GLRB: variants seen among roughly 807,000 people sequenced by gnomAD.
GLRB encodes glycine receptor beta, also known as glycine receptor subunit beta.
GLRB carries 33 observed loss-of-function variants against 54.2 expected under a neutral mutation model. That is an observed-to-expected ratio of 0.61 (90% CI 0.46 to 0.81). GLRB has a LOEUF of 0.81. Among genes scored for constraint, GLRB ranks in the 40% least tolerant of loss-of-function variants. The pLI is 0.00. For synonymous variants in GLRB, 209 were observed against 208.2 expected, an observed-to-expected ratio of 1.00 and a Z score of -0.03; for missense variants, 572 against 584.6, an observed-to-expected ratio of 0.98 and a Z score of 0.22.
At chr4:157,121,155 C>A (rs1200864199) in intron 3 of GLRB, among the ~76,000 whole-genome samples, 2 of 151,582 alleles carry the variant, frequency 1.3e-5, no homozygotes, top group Non-Finnish European at 3.0e-5. Context: ...GCTGAAAAAA[C>A]AATTGGCCGT....
At position 157,136,673 on chromosome 4, in the gene GLRB, G is replaced by A; in HGVS notation, c.502G>A (p.Asp168Asn). 1 of 1,608,964 alleles carries A rather than the reference G, an allele frequency of 6.2e-7. No individual in the cohort carries two copies. Among genetic ancestry groups the A allele is most frequent in the East Asian group, 2.2e-5 (1 of 44,838 alleles). ...QENILLFIFR[D>N]GDVLVSMRLS... ...AAACATCCTCCTCTTTATTTTTCGT[G>A]ATGGAGATGTCCTTGTCAGCATGAG... The change falls in exon 5 of 10, where the codon GAT becomes AAT. Residue 168 changes from aspartate to asparagine, a missense_variant. Coordinates refer to ENST00000264428, the MANE Select transcript of GLRB (RefSeq NM_000824.5).
intron 2 of GLRB, among the ~76,000 whole-genome samples, chr4:157,116,760 A>T (rs1351302164): frequency 6.6e-6 from 1 of 151,766 alleles, no homozygotes; most frequent in Non-Finnish European, 1.5e-5. Context: ...CCCTGAGTTC[A>T]TGCATATGAA....
chr4:157,160,902 T>C (rs1159673137), intron 9 of GLRB, among the ~76,000 whole-genome samples: 1 of 152,152 alleles, frequency 6.6e-6, no homozygotes, highest in Non-Finnish European at 1.5e-5. Context: ...TCTTTCTGTG[T>C]CGTTGATCTG....
In GLRB at chr4:157,170,870, C is replaced by T; in HGVS notation, c.*142C>T. 1.7e-6 allele frequency: 1 copy of T among 574,770 alleles called. No individual in the cohort carries two copies. The highest frequency in any genetic ancestry group is 3.1e-6 in the Non-Finnish European group (1 of 326,828). The allele number at this position is 574,770 out of a possible 1,614,324, so 35.6% of individuals were successfully genotyped here. Reference sequence around the variant, plus strand: ...ATTTGATTGTAATAAAACTGTGGCACCTTAATTTTGAATGGCAGCATGATC... The same window carrying T: ...ATTTGATTGTAATAAAACTGTGGCATCTTAATTTTGAATGGCAGCATGATC... On this transcript the variant is annotated 3_prime_UTR_variant, in exon 10 of 10. Transcript: ENST00000264428.
chr4:157,116,908 A>G (rs78434926), intron 2 of GLRB, among the ~76,000 whole-genome samples: 2,987 of 151,778 alleles, frequency 0.02, 78 homozygotes, highest in African/African-American at 0.066. Context: ...CACAAATAAG[A>G]ATAGAAGAAA....
intron 4 of GLRB, among the ~76,000 whole-genome samples, chr4:157,133,516 T>G (rs1342501691): frequency 1.3e-5 from 2 of 151,988 alleles, no homozygotes; most frequent in African/African-American, 4.8e-5. Context: ...AAGTTATGTT[T>G]GACTGATGTT....
chr4:157,102,890 G>A (rs1395402256), intron 2 of GLRB, among the ~76,000 whole-genome samples: 1 of 152,176 alleles, frequency 6.6e-6, no homozygotes, highest in African/African-American at 2.4e-5. Flanking sequence ...GTAGGGGCTG[G>A]GGGCAGTGGC....
intron 4 of GLRB, among the ~76,000 whole-genome samples, chr4:157,129,888 T>C (rs1736149586): frequency 6.6e-6 from 1 of 151,644 alleles, no homozygotes; most frequent in African/African-American, 2.4e-5. Context: ...AAAATAATTG[T>C]AGGTAGATCA....
intron 8 of GLRB, among the ~76,000 whole-genome samples, chr4:157,147,268 G>A (rs1213047062): frequency 2.6e-5 from 4 of 152,222 alleles, no homozygotes; most frequent in African/African-American, 9.6e-5. Context: ...CCAGTATGAT[G>A]CAGTTTCCTA....
chr4:157,128,619 A>G (rs1365785062), intron 4 of GLRB, among the ~76,000 whole-genome samples: 1 of 151,846 alleles, frequency 6.6e-6, no homozygotes, highest in African/African-American at 2.4e-5. Flanking sequence ...GTGTGGCACC[A>G]TAGCACCACC....
intron 2 of GLRB, among the ~76,000 whole-genome samples, chr4:157,107,791 A>T (rs916569014): frequency 6.6e-6 from 1 of 152,124 alleles, no homozygotes; most frequent in Non-Finnish European, 1.5e-5. Flanking sequence ...CAGATGTTCA[A>T]TGTAGATTAA....
Position 157,144,041 on chromosome 4 carries a change from A to G in GLRB, c.904+82A>G. The stretch of plus-strand genomic sequence containing the variant: ...TTACCATATAATCAACTACTTTGAA[A>G]CAATGAGTTTTAGAATTGTTAGCCA... On this transcript the variant is annotated intron_variant, in intron 8 of 9. Coordinates refer to ENST00000264428, the MANE Select transcript of GLRB (RefSeq NM_000824.5). 4.4e-6 allele frequency: 6 copies of G among 1,372,958 alleles called. No individual in the cohort carries two copies. In the South Asian group the frequency reaches 7.0e-5, roughly 16 times the overall value. 85.0% of individuals were successfully genotyped at this position (1,372,958 alleles called of 1,614,324 possible).
chr4:157,149,879 T>G (rs761828371), intron 8 of GLRB, among the ~76,000 whole-genome samples: 1 of 152,078 alleles, frequency 6.6e-6, no homozygotes, highest in Non-Finnish European at 1.5e-5. Context: ...TTTTTTCTTC[T>G]CTTTTCTTTT....
At chr4:157,129,754 CT>C (rs140316248) in intron 4 of GLRB, among the ~76,000 whole-genome samples, 5,675 of 150,162 alleles carry the variant, frequency 0.038, 105 homozygotes, top group Middle Eastern at 0.058. Flanking sequence ...CCCATTTGAG[CT>C]TTTTTTTTGT....
chr4:157,149,632 C>A (rs975593665), intron 8 of GLRB, among the ~76,000 whole-genome samples: 1 of 151,750 alleles, frequency 6.6e-6, no homozygotes, highest in Non-Finnish European at 1.5e-5. Flanking sequence ...AATAGTAGTA[C>A]TTTTAAATGA....
rs761554333 is a variant in GLRB, at chr4:157,152,939, A to G, written c.1126A>G (p.Lys376Glu). The G allele has an allele frequency of 6.2e-7, 1 of 1,614,030 alleles. No homozygotes were observed. The highest frequency in any genetic ancestry group is 1.1e-5 in the South Asian group (1 of 91,080). Residue 376 changes from lysine (K) to glutamate (E), a missense_variant, in exon 9 of 10, where the codon AAA becomes GAA. By Grantham distance (56) the Lys-to-Glu change is moderately conservative. Coordinates refer to ENST00000264428, the MANE Select transcript of GLRB (RefSeq NM_000824.5). ...RIAKAEQADG[K>E]GGNVAKKNTV... Reference sequence around the variant, plus strand: ...TGCTAAGGCTGAGCAAGCAGATGGAAAAGGTGGAAATGTGGCTAAAAAGAA... The same window carrying G: ...TGCTAAGGCTGAGCAAGCAGATGGAGAAGGTGGAAATGTGGCTAAAAAGAA...
intron 2 of GLRB, among the ~76,000 whole-genome samples, chr4:157,095,037 A>C (rs1295247936): frequency 2.6e-5 from 4 of 152,334 alleles, no homozygotes; most frequent in South Asian, 2.1e-4. Flanking sequence ...CATAGATTGG[A>C]GAACTAGAAC....
intron 2 of GLRB, among the ~76,000 whole-genome samples, chr4:157,081,030 C>A (rs1734203043): frequency 6.6e-6 from 1 of 152,038 alleles, no homozygotes; most frequent in Non-Finnish European, 1.5e-5. Flanking sequence ...CTTTTCTTGG[C>A]CTCTTTGCTG....
intron 8 of GLRB, among the ~76,000 whole-genome samples, chr4:157,146,409 G>C (rs1023730613): frequency 6.6e-6 from 1 of 152,038 alleles, no homozygotes; most frequent in African/African-American, 2.4e-5. Context: ...TGCTTACTTT[G>C]TTGAGAACAG....
Sources: gnomAD v4.1 joint callset for allele counts (sites outside exome capture counted in the v4.1 genomes callset) on GRCh38, gnomAD v4.1.1 for gene constraint, MANE v1.5 for transcripts, NCBI Gene and HGNC (gene_info 2026-07-23, HGNC 2026-07-21) for gene names.